Variants in LRRC4C observed in about 807,000 individuals in gnomAD.
LRRC4C encodes leucine-rich repeat-containing protein 4C.
Under a neutral mutation model 33.6 loss-of-function variants are expected in LRRC4C, and 5 were observed. The observed-to-expected ratio is 0.15, with a 90% CI of 0.08 to 0.31. The LOEUF is 0.31. Among genes scored for constraint, LRRC4C ranks in the 10% least tolerant of loss-of-function variants. The pLI is 1.00. For missense variants in LRRC4C, 560 were observed against 796.7 expected (o/e 0.70, Z 3.58); for synonymous variants, 329 against 302.0 (o/e 1.09, Z -0.93).
intron 3 of LRRC4C, among the ~76,000 whole-genome samples, chr11:40,408,762 TGAA>T (rs973835947): frequency 9.2e-5 from 14 of 151,880 alleles, no homozygotes; most frequent in African/African-American, 3.4e-4. Context: ...CTACTAAAAT[TGAA>T]GAAGACATAA....
At chr11:40,472,528 C>A (rs754473802) in intron 3 of LRRC4C, among the ~76,000 whole-genome samples, 1 of 139,606 alleles carries the variant, frequency 7.2e-6, no homozygotes, top group Non-Finnish European at 1.6e-5. Context: ...AAAATCAACA[C>A]CCTAACATCA....
At chr11:41,264,124 G>T (rs538117048) in intron 1 of LRRC4C, among the ~76,000 whole-genome samples, 1 of 140,990 alleles carries the variant, frequency 7.1e-6, no homozygotes, top group Non-Finnish European at 1.5e-5. Flanking sequence ...ATGGAGTCTC[G>T]CTTTATTGCC....
At chr11:40,535,144 A>T (rs1305730105) in intron 3 of LRRC4C, among the ~76,000 whole-genome samples, 1 of 152,222 alleles carries the variant, frequency 6.6e-6, no homozygotes, top group Non-Finnish European at 1.5e-5. Flanking sequence ...TTGGAGTTAT[A>T]GTCATCTTCC....
intron 1 of LRRC4C, among the ~76,000 whole-genome samples, chr11:41,057,396 T>G (rs1858706788): frequency 6.6e-6 from 1 of 152,128 alleles, no homozygotes; most frequent in African/African-American, 2.4e-5. Flanking sequence ...CAGATACCTC[T>G]CGACACCTAT....
At chr11:41,162,954 T>C (rs868810670) in intron 1 of LRRC4C, among the ~76,000 whole-genome samples, 29 of 152,310 alleles carry the variant, frequency 1.9e-4, no homozygotes, top group Middle Eastern at 6.8e-3. Context: ...GGAATTGTAC[T>C]TTCATAATCC....
chr11:41,395,280 G>A (rs1345022400), intron 1 of LRRC4C, among the ~76,000 whole-genome samples: 3 of 151,964 alleles, frequency 2.0e-5, no homozygotes, highest in Non-Finnish European at 2.9e-5. Flanking sequence ...CAACTGCTTT[G>A]TCAGAAAGAG....
chr11:41,054,773 C>T (rs941984558), intron 1 of LRRC4C, among the ~76,000 whole-genome samples: 1 of 152,020 alleles, frequency 6.6e-6, no homozygotes, highest in African/African-American at 2.4e-5. Context: ...TGGTTCTTGT[C>T]CTATGCAGTG....
intron 2 of LRRC4C, among the ~76,000 whole-genome samples, chr11:40,716,260 T>G (rs1037972356): frequency 1.3e-5 from 2 of 152,134 alleles, no homozygotes; most frequent in African/African-American, 4.8e-5. Context: ...GGGAGCTGGG[T>G]GGTAGATACA....
chr11:40,309,809 A>C (rs1945214070), intron 4 of LRRC4C, among the ~76,000 whole-genome samples: 1 of 152,088 alleles, frequency 6.6e-6, no homozygotes, highest in African/African-American at 2.4e-5. Context: ...GCCCCACCAA[A>C]AGTATGATCT....
At chr11:41,182,672 T>C (rs1945504358) in intron 1 of LRRC4C, among the ~76,000 whole-genome samples, 1 of 152,170 alleles carries the variant, frequency 6.6e-6, no homozygotes, top group African/African-American at 2.4e-5. Context: ...TTAGCTGAGT[T>C]ATTTTTAATA....
chr11:40,522,833 G>C (rs949394476), intron 3 of LRRC4C, among the ~76,000 whole-genome samples: 1 of 152,080 alleles, frequency 6.6e-6, no homozygotes, highest in African/African-American at 2.4e-5. Context: ...ATTTCACTTA[G>C]CATAATGTCT....
chr11:41,380,587 C>A (rs1953106268), intron 1 of LRRC4C, among the ~76,000 whole-genome samples: 1 of 151,974 alleles, frequency 6.6e-6, no homozygotes, highest in African/African-American at 2.4e-5. Context: ...TACAACTGGG[C>A]AGTTTATAAG....
At chr11:40,901,999 TACACACACACACACACAC>T (rs369525560) in intron 2 of LRRC4C, among the ~76,000 whole-genome samples, 268 of 139,830 alleles carry the variant, frequency 1.9e-3, no homozygotes, top group African/African-American at 4.7e-3. Context: ...TCTCTCTCTC[TACACACACACACACACAC>T]ACACACACAC....
chr11:41,039,026 G>C (rs1857260691), intron 1 of LRRC4C, among the ~76,000 whole-genome samples: 1 of 152,052 alleles, frequency 6.6e-6, no homozygotes, highest in South Asian at 2.1e-4. Flanking sequence ...ATCAAGATGG[G>C]TATTCCTAGG....
intron 1 of LRRC4C, among the ~76,000 whole-genome samples, chr11:41,071,862 T>C (rs1278235170): frequency 6.6e-6 from 1 of 152,126 alleles, no homozygotes; most frequent in East Asian, 1.9e-4. Context: ...TTAACAGAAG[T>C]GTGGAAGAAG....
At chr11:40,453,617 G>GAAAA (rs149112559) in intron 3 of LRRC4C, among the ~76,000 whole-genome samples, 62 of 143,770 alleles carry the variant, frequency 4.3e-4, no homozygotes, top group African/African-American at 1.2e-3. Flanking sequence ...GGCATTCTAA[G>GAAAA]AAAAAAAAAA....
At chr11:40,569,602 GT>G (rs559260061) in intron 3 of LRRC4C, among the ~76,000 whole-genome samples, 1 of 152,136 alleles carries the variant, frequency 6.6e-6, no homozygotes, top group East Asian at 1.9e-4. Flanking sequence ...GTGTCATCCA[GT>G]TTTTTTGGAC....
At chr11:40,453,218 C>A (rs112610331) in intron 3 of LRRC4C, among the ~76,000 whole-genome samples, 1 of 152,006 alleles carries the variant, frequency 6.6e-6, no homozygotes, top group Non-Finnish European at 1.5e-5. Context: ...TCTAAACTTG[C>A]CATGGAGCCA....
intron 2 of LRRC4C, among the ~76,000 whole-genome samples, chr11:40,757,818 C>T (rs1949025297): frequency 6.6e-6 from 1 of 151,940 alleles, no homozygotes; most frequent in South Asian, 2.1e-4. Flanking sequence ...AATAGCACAC[C>T]TGTTGAAAAA....
Sources: allele counts gnomAD v4.1 joint callset (sites outside exome capture counted in the v4.1 genomes callset), GRCh38; gene constraint gnomAD v4.1.1; transcripts MANE v1.5; gene names NCBI Gene and HGNC (gene_info 2026-07-23, HGNC 2026-07-21).